LRR1: variants seen among roughly 807,000 people sequenced by gnomAD.
LRR1 encodes leucine rich repeat protein 1, also known as leucine-rich repeat protein 1.
LRR1 carries 29 observed loss-of-function variants against 31.6 expected under a neutral mutation model. That is an observed-to-expected ratio of 0.92 (90% CI 0.68 to 1.25). LRR1 has a LOEUF of 1.25. Ranked by LOEUF, LRR1 falls within the 50% of genes most tolerant of loss-of-function variation. The pLI, the probability that LRR1 is intolerant of heterozygous loss-of-function variation, is 0.00. For missense variants in LRR1, 485 were observed against 487.2 expected, an observed-to-expected ratio of 1.00 and a Z score of 0.04; for synonymous variants, 179 against 181.4, an observed-to-expected ratio of 0.99 and a Z score of 0.10.
rs745490628 is a variant in LRR1, at chr14:49,607,927, A to G, written c.810A>G (p.Gln270=). The change falls in exon 3 of 4, where the codon CAA becomes CAG. Residue 270 remains glutamine, a synonymous_variant. Transcript: ENST00000298288. Reference sequence around the variant, plus strand: ...TTCAATTTCCTTGCAAGATAGGACAACTAATAAACCTTCGCTTTTTGTCAG... The same window carrying G: ...TTCAATTTCCTTGCAAGATAGGACAGCTAATAAACCTTCGCTTTTTGTCAG... ...ELIQFPCKIG[Q]LINLRFLSAA... 7.4e-6 allele frequency: 12 copies of G among 1,613,822 alleles called. No homozygotes were observed. Among genetic ancestry groups the G allele is most frequent in the Middle Eastern group, 1.7e-4 (1 of 6,060 alleles).
intron 2 of LRR1, among the ~76,000 whole-genome samples, chr14:49,604,977 C>A (rs1882228377): frequency 6.6e-6 from 1 of 151,844 alleles, no homozygotes; most frequent in African/African-American, 2.4e-5. Flanking sequence ...CTCACTGCAC[C>A]CTCGACCTTC....
intron 2 of LRR1, chr14:49,603,536 T>A: frequency 3.7e-6 from 1 of 271,568 alleles, no homozygotes; most frequent in African/African-American, 2.3e-5. Context: ...TTTTTTTTTT[T>A]TTTTTTTTTT....
chr14:49,601,141 G>C, intron 1 of LRR1: 1 of 1,602,540 alleles, frequency 6.2e-7, no homozygotes, highest in African/African-American at 1.3e-5. Context: ...GAATGTATGA[G>C]ATCAAAAAAG....
chr14:49,608,958 G>A (rs1046100752), intron 3 of LRR1, among the ~76,000 whole-genome samples: 12 of 139,302 alleles, frequency 8.6e-5, no homozygotes, highest in African/African-American at 3.2e-4. Flanking sequence ...GCCCAGGCTG[G>A]AGTGCAGTGG....
intron 3 of LRR1, among the ~76,000 whole-genome samples, chr14:49,609,208 C>A (rs1183952522): frequency 2.3e-5 from 3 of 132,380 alleles, no homozygotes; most frequent in African/African-American, 8.5e-5. Context: ...TGAGCCACCA[C>A]ACCTGGCCCT....
At chr14:49,600,237 G>A in intron 1 of LRR1, 1 of 1,487,600 alleles carries the variant, frequency 6.7e-7, no homozygotes, top group African/African-American at 1.4e-5. Flanking sequence ...CCCAATGACC[G>A]ACGTCTTCCT....
chr14:49,600,154 G>A (rs1881996496), intron 1 of LRR1: 1 of 1,505,626 alleles, frequency 6.6e-7, no homozygotes, highest in Non-Finnish European at 9.2e-7. Context: ...ACCGTGGGGG[G>A]CAAGCAGTAC....
At position 49,599,199 on chromosome 14, in the gene LRR1, A is replaced by T; in HGVS notation, c.179A>T (p.Tyr60Phe). The T allele has an allele frequency of 6.2e-7, 1 of 1,604,572 alleles. No individual in the cohort carries two copies. Among genetic ancestry groups the T allele is most frequent in the Non-Finnish European group, 8.5e-7 (1 of 1,175,982 alleles). The change falls in exon 1 of 4, where the codon TAT becomes TTT. Residue 60 changes from tyrosine to phenylalanine, a missense_variant. Transcript: ENST00000298288. ...CTGAAGGACAAGCGCGGGACCCGCT[A>T]TGAGGTGCGTGAAGTGGGCAGGCCC... ...STLKDKRGTR[Y>F]ELRENIEQFF... is the part of the protein sequence containing the mutation.
chr14:49,614,160 A>T (rs112733478), intron 3 of LRR1, 96 bp from the exon 4 acceptor site: 1 of 1,263,238 alleles, frequency 7.9e-7, no homozygotes. Flanking sequence ...ATCGCTTAAT[A>T]ATTTTACTTT....
intron 3 of LRR1, among the ~76,000 whole-genome samples, chr14:49,609,377 C>T (rs962241684): frequency 6.6e-6 from 1 of 151,790 alleles, no homozygotes; most frequent in Non-Finnish European, 1.5e-5. Flanking sequence ...AGGCGCCCAC[C>T]GCCATGCCTG....
intron 3 of LRR1, among the ~76,000 whole-genome samples, chr14:49,609,597 C>T (rs977786543): frequency 1.3e-5 from 2 of 151,808 alleles, no homozygotes; most frequent in African/African-American, 2.4e-5. Context: ...TTAGTAGAGA[C>T]GGAGTTTTAC....
intron 3 of LRR1, among the ~76,000 whole-genome samples, chr14:49,611,339 G>C (rs955871322): frequency 1.3e-5 from 2 of 152,218 alleles, no homozygotes; most frequent in Middle Eastern, 3.4e-3. Flanking sequence ...GCCGGGCATG[G>C]TGGTGCGCAC....
intron 1 of LRR1, chr14:49,601,474 G>A (rs1197620151): frequency 1.8e-6 from 1 of 564,630 alleles, no homozygotes; most frequent in Admixed American, 2.5e-5. Context: ...TTTTAAATAT[G>A]CCATTTATAT....
At position 49,614,546 on chromosome 14, in the gene LRR1, A is replaced by G. The variant is rs1261641230; in HGVS notation, c.*50A>G. ...TCAATAACAGATCAGTTTGGGGTGC[A>G]TGTATGATTTTGCAGCGTCAAATTG... On this transcript the variant is annotated 3_prime_UTR_variant, in exon 4 of 4. Coordinates refer to ENST00000298288, the MANE Select transcript of LRR1 (RefSeq NM_152329.4). 6 of 1,610,656 alleles carry G rather than the reference A, an allele frequency of 3.7e-6. No homozygotes were observed. Among genetic ancestry groups the G allele is most frequent in the East Asian group, 4.5e-5 (2 of 44,814 alleles).
chr14:49,599,981 C>CGGCA (rs1881985358), intron 1 of LRR1: 1 of 1,590,532 alleles, frequency 6.3e-7, no homozygotes, highest in Non-Finnish European at 8.6e-7. Context: ...GGAGGCCGGC[C>CGGCA]GGCAGCAGCA....
intron 1 of LRR1, chr14:49,600,061 C>T: frequency 4.4e-6 from 7 of 1,604,566 alleles, no homozygotes; most frequent in Non-Finnish European, 5.1e-6. Context: ...GTGGGCAAGA[C>T]GTGCCTACTC....
At chr14:49,601,564 G>A in intron 1 of LRR1, 3 of 1,219,748 alleles carry the variant, frequency 2.5e-6, no homozygotes, top group Non-Finnish European at 3.2e-6. Context: ...AATAGCAAAG[G>A]AGACAAGATT....
At chr14:49,607,293 A>G (rs1312402287) in intron 2 of LRR1, 107 bp from the exon 3 acceptor site, 1 of 1,187,138 alleles carries the variant, frequency 8.4e-7, no homozygotes, top group Non-Finnish European at 1.1e-6. Context: ...TCAGTAAATC[A>G]TTGTATCACA....
intron 2 of LRR1, among the ~76,000 whole-genome samples, chr14:49,606,623 G>A (rs886990491): frequency 6.7e-6 from 1 of 150,304 alleles, no homozygotes; most frequent in African/African-American, 2.5e-5. Context: ...ATAGGCGTGA[G>A]TCACTACACC....
Sources: gnomAD v4.1 joint callset for allele counts (sites outside exome capture counted in the v4.1 genomes callset) on GRCh38, gnomAD v4.1.1 for gene constraint, MANE v1.5 for transcripts, NCBI Gene and HGNC (gene_info 2026-07-23, HGNC 2026-07-21) for gene names.